MARCHF1: variants seen among roughly 807,000 people sequenced by gnomAD.
MARCHF1 encodes the protein membrane associated ring-CH-type finger 1, also known as E3 ubiquitin-protein ligase MARCHF1.
A neutral mutation model predicts 54.2 loss-of-function variants in MARCHF1; 40 were observed. The observed-to-expected ratio is 0.74, with a 90% CI of 0.57 to 0.96. The LOEUF is 0.96. Among genes scored for constraint, MARCHF1 ranks in the 40% least tolerant of loss-of-function variants. The probability of loss-of-function intolerance (pLI) is 0.00; values close to 1 mark genes in which losing one functional copy is unlikely to be tolerated. For synonymous variants in MARCHF1, 236 were observed against 236.3 expected (o/e 1.00, Z 0.01); for missense variants, 586 against 656.5 (o/e 0.89, Z 1.17).
At chr4:164,193,233 G>A (rs775338987) in intron 1 of MARCHF1, among the ~76,000 whole-genome samples, 22 of 151,686 alleles carry the variant, frequency 1.5e-4, no homozygotes, top group Non-Finnish European at 2.9e-4. Context: ...TGCCAAAAAA[G>A]AACAAAAAAG....
chr4:164,045,859 A>G (rs1754232232), intron 2 of MARCHF1, among the ~76,000 whole-genome samples: 1 of 152,176 alleles, frequency 6.6e-6, no homozygotes, highest in Non-Finnish European at 1.5e-5. Flanking sequence ...CAGTTTTTAT[A>G]TATAGCAAGA....
chr4:164,078,711 C>A (rs528008441), intron 2 of MARCHF1, among the ~76,000 whole-genome samples: 1 of 152,110 alleles, frequency 6.6e-6, no homozygotes. Flanking sequence ...GGCCTAACAG[C>A]AAATTAGACA....
At position 164,250,413 on chromosome 4, in the gene MARCHF1, CTG is replaced by C. The variant is rs200761790; in HGVS notation, c.-323+133455_-323+133456del. 8.7e-3 allele frequency among the ~76,000 whole-genome samples: 1,330 copies of C among 152,162 alleles called. 20 individuals carry two copies. Among genetic ancestry groups the C allele is most frequent in the African/African-American group, 0.03 (1,239 of 41,542 alleles). Reference sequence around the variant, plus strand: ...ATAGAAGATGCTCTGAATGTGGACACTGTGAAATATAAACCTTGAAATTGCAT... The same window carrying C: ...ATAGAAGATGCTCTGAATGTGGACACTGAAATATAAACCTTGAAATTGCAT... On this transcript the variant is annotated intron_variant, in intron 1 of 9. Transcript: ENST00000514618.
intron 3 of MARCHF1, among the ~76,000 whole-genome samples, chr4:163,898,697 T>C (rs1321967631): frequency 2.6e-5 from 4 of 152,046 alleles, no homozygotes; most frequent in Non-Finnish European, 5.9e-5. Context: ...ATCTACCCAA[T>C]GGAAAAGAAA....
At chr4:163,771,245 T>C (rs1431964146) in intron 4 of MARCHF1, among the ~76,000 whole-genome samples, 1 of 152,146 alleles carries the variant, frequency 6.6e-6, no homozygotes, top group Admixed American at 6.6e-5. Flanking sequence ...CCAGGGATGT[T>C]ATTAACAGTC....
At chr4:164,249,412 G>C (rs1207261284) in intron 1 of MARCHF1, among the ~76,000 whole-genome samples, 1 of 152,028 alleles carries the variant, frequency 6.6e-6, no homozygotes, top group Non-Finnish European at 1.5e-5. Flanking sequence ...ACTGAGAAAT[G>C]AAAATATGTG....
intron 1 of MARCHF1, among the ~76,000 whole-genome samples, chr4:164,329,668 T>C (rs1315772898): frequency 6.6e-6 from 1 of 152,124 alleles, no homozygotes; most frequent in Non-Finnish European, 1.5e-5. Flanking sequence ...CTCAGGAAGC[T>C]TCCAATCATG....
chr4:163,568,157 T>C (rs1739713023), intron 8 of MARCHF1, among the ~76,000 whole-genome samples: 2 of 152,122 alleles, frequency 1.3e-5, no homozygotes, highest in African/African-American at 2.4e-5. Context: ...TATGGCTACA[T>C]TGGACATATC....
At chr4:163,991,006 CTTTG>C (rs1029507159) in intron 2 of MARCHF1, among the ~76,000 whole-genome samples, 1 of 151,940 alleles carries the variant, frequency 6.6e-6, no homozygotes, top group African/African-American at 2.4e-5. Context: ...TGAGGTTATC[CTTTG>C]TTTGCTATGA....
At chr4:164,379,080 G>A (rs1007155526) in intron 1 of MARCHF1, among the ~76,000 whole-genome samples, 2 of 151,992 alleles carry the variant, frequency 1.3e-5, no homozygotes, top group African/African-American at 2.4e-5. Flanking sequence ...AGAGGCTCAC[G>A]GCAATACAGC....
At chr4:164,222,206 A>C (rs1732133696) in intron 1 of MARCHF1, among the ~76,000 whole-genome samples, 1 of 151,300 alleles carries the variant, frequency 6.6e-6, no homozygotes, top group Admixed American at 6.6e-5. Context: ...AAAACATATA[A>C]CACCACCTGT....
intron 5 of MARCHF1, among the ~76,000 whole-genome samples, chr4:163,669,653 C>T (rs1743662175): frequency 6.7e-6 from 1 of 150,230 alleles, no homozygotes; most frequent in Admixed American, 6.6e-5. Context: ...GGCTGGAGTG[C>T]AATGGCACAA....
intron 4 of MARCHF1, among the ~76,000 whole-genome samples, chr4:163,721,077 T>C (rs567691437): frequency 1.3e-4 from 20 of 152,086 alleles, no homozygotes; most frequent in African/African-American, 4.6e-4. Context: ...TGAATAGGAG[T>C]GGTGAGAGAG....
chr4:163,606,216 A>AT (rs1741136749), intron 7 of MARCHF1, among the ~76,000 whole-genome samples: 1 of 152,100 alleles, frequency 6.6e-6, no homozygotes, highest in Non-Finnish European at 1.5e-5. Context: ...CATTAGTGGA[A>AT]TTCAATGTTC....
intron 1 of MARCHF1, among the ~76,000 whole-genome samples, chr4:164,297,243 G>A (rs995066199): frequency 7.2e-5 from 11 of 152,038 alleles, no homozygotes; most frequent in East Asian, 1.9e-4. Flanking sequence ...AATGGTCAGC[G>A]GGACTTAATG....
In MARCHF1 at chr4:163,986,246, C is replaced by CTTTTTTT. The variant is rs1752861022; in HGVS notation, c.-39+2254_-39+2255insAAAAAAA. Among the ~76,000 whole-genome samples the CTTTTTTT allele has an allele frequency of 6.2e-4, 46 of 73,770 alleles. 6 individuals carry two copies. Among genetic ancestry groups the CTTTTTTT allele is most frequent in the African/African-American group, 1.8e-3 (39 of 22,156 alleles). 48.4% of individuals were successfully genotyped at this position (73,770 alleles called of 152,430 possible). The stretch of plus-strand genomic sequence containing the variant: ...CCTTTCCTTTTCTCCTAATTAACCT[C>CTTTTTTT]TTCTTTTTTTTTTTTTTTTTTTTTT... On this transcript the variant is annotated intron_variant, in intron 3 of 9. Coordinates refer to ENST00000514618, the MANE Select transcript of MARCHF1 (RefSeq NM_001394959.1).
intron 2 of MARCHF1, among the ~76,000 whole-genome samples, chr4:164,093,990 A>G (rs913352763): frequency 1.3e-5 from 2 of 152,098 alleles, no homozygotes; most frequent in African/African-American, 4.8e-5. Context: ...TGTTATTTTT[A>G]TCTGATTAGC....
At chr4:164,366,772 T>C (rs1250848442) in intron 1 of MARCHF1, among the ~76,000 whole-genome samples, 1 of 151,950 alleles carries the variant, frequency 6.6e-6, no homozygotes, top group Non-Finnish European at 1.5e-5. Flanking sequence ...TATCTTCTTA[T>C]ATTATAAAAG....
intron 4 of MARCHF1, among the ~76,000 whole-genome samples, chr4:163,831,368 G>A (rs1033743344): frequency 1.3e-5 from 2 of 152,074 alleles, no homozygotes; most frequent in Non-Finnish European, 2.9e-5. Context: ...AGGGTAACTC[G>A]AGGCCAGGAC....
Sources: gnomAD v4.1 joint callset for allele counts (sites outside exome capture counted in the v4.1 genomes callset) on GRCh38, gnomAD v4.1.1 for gene constraint, MANE v1.5 for transcripts, NCBI Gene and HGNC (gene_info 2026-07-23, HGNC 2026-07-21) for gene names.